Variants in CEP85L observed in about 807,000 individuals in gnomAD.
CEP85L encodes the protein centrosomal protein 85L, also known as centrosomal protein of 85 kDa-like.
A neutral mutation model predicts 100.3 loss-of-function variants in CEP85L; 60 were observed. That is an observed-to-expected ratio of 0.60 (90% CI 0.49 to 0.74). The LOEUF is 0.74. CEP85L is among the 30% of genes least tolerant of loss of function. CEP85L has a pLI of 0.00. For synonymous variants in CEP85L, 319 were observed against 322.7 expected (o/e 0.99, Z 0.12); for missense variants, 973 against 936.2 (o/e 1.04, Z -0.51).
At chr6:118,607,371 A>G (rs902497786) in intron 2 of CEP85L, among the ~76,000 whole-genome samples, 4 of 152,132 alleles carry the variant, frequency 2.6e-5, no homozygotes, top group Admixed American at 6.5e-5. Context: ...TTGCAGCAAC[A>G]CTGAAAAGTT....
intron 10 of CEP85L, among the ~76,000 whole-genome samples, chr6:118,477,378 C>T (rs73524120): frequency 0.011 from 1,700 of 152,156 alleles, 43 homozygotes; most frequent in African/African-American, 0.039. Flanking sequence ...TCTCCAACTT[C>T]GAAAGCTGTG....
chr6:118,621,744 A>C (rs945172635), intron 2 of CEP85L, among the ~76,000 whole-genome samples: 4 of 152,228 alleles, frequency 2.6e-5, no homozygotes, highest in African/African-American at 9.6e-5. Flanking sequence ...GCAAAGAACA[A>C]ATTGAGCCTA....
Position 118,525,629 on chromosome 6 carries a change from G to C in CEP85L, c.1021-1709C>G, listed in dbSNP as rs79234838. On this transcript the variant is annotated intron_variant, in intron 3 of 12. Coordinates refer to ENST00000368491, the MANE Select transcript of CEP85L (RefSeq NM_001042475.3). ...GAAAGCCAAAGACCAAAAGCTAGGA[G>C]AGAGGCATGGGACAAATTCTGCTTC... is the stretch of plus-strand genomic sequence containing the variant. Among the ~76,000 whole-genome samples the C allele has an allele frequency of 1.1e-4, 17 of 152,352 alleles. No homozygotes were observed. The East Asian group carries it at 3.3e-3, about 29-fold the overall frequency.
At chr6:118,608,843 T>C (rs1583160145) in intron 2 of CEP85L, among the ~76,000 whole-genome samples, 1 of 152,248 alleles carries the variant, frequency 6.6e-6, no homozygotes, top group South Asian at 2.1e-4. Flanking sequence ...CTGATTTGTT[T>C]GGCTCATATA....
intron 2 of CEP85L, among the ~76,000 whole-genome samples, chr6:118,614,109 CA>C (rs1160111062): frequency 6.6e-6 from 1 of 152,016 alleles, no homozygotes; most frequent in Non-Finnish European, 1.5e-5. Flanking sequence ...ACCACCATAT[CA>C]ACAAACTAAA....
In CEP85L at chr6:118,600,297, GGGGGT is replaced by G. The variant is rs1562297646; in HGVS notation, c.232+32151_232+32155del. Among the ~76,000 whole-genome samples, 264 of 61,294 alleles carry G rather than the reference GGGGGT, an allele frequency of 4.3e-3. 45 individuals are homozygous for G. Among genetic ancestry groups the G allele is most frequent in the African/African-American group, 0.014 (218 of 15,268 alleles). 40.2% of individuals were successfully genotyped at this position (61,294 alleles called of 152,430 possible). On this transcript the variant is annotated intron_variant, in intron 2 of 12. Coordinates refer to ENST00000368491, the MANE Select transcript of CEP85L (RefSeq NM_001042475.3). Reference sequence around the variant, plus strand: ...GTACTGCCTGTCCCTGAGCCTTCCTGGGGGTGTGTGTGTGTGTGTGTGTGTGTGTG... The same window carrying G: ...GTACTGCCTGTCCCTGAGCCTTCCTGGTGTGTGTGTGTGTGTGTGTGTGTG...
intron 5 of CEP85L, among the ~76,000 whole-genome samples, chr6:118,497,993 AG>A (rs2114644051): frequency 6.6e-6 from 1 of 152,352 alleles, no homozygotes; most frequent in Admixed American, 6.5e-5. Flanking sequence ...AAGGATGAGA[AG>A]GAAGATGGAG....
intron 3 of CEP85L, among the ~76,000 whole-genome samples, chr6:118,525,013 TTGTC>T (rs1171419544): frequency 6.6e-6 from 1 of 152,212 alleles, no homozygotes; most frequent in Non-Finnish European, 1.5e-5. Context: ...GATTGTTTGT[TTGTC>T]TGTTTCTTTT....
In CEP85L at chr6:118,491,769, C is replaced by A; in HGVS notation, c.1354G>T (p.Glu452Ter). Reference protein sequence around the residue: ...GEFEQKLASTEKEVLQLNEFL... With the variant: ...GEFEQKLAST Reference sequence around the variant, plus strand: ...TCATTAAGCTGTAAAACTTCTTTCTCAGTAGATGCAAGCTTTTGCTCAAAT... The same window carrying A: ...TCATTAAGCTGTAAAACTTCTTTCTAAGTAGATGCAAGCTTTTGCTCAAAT... Residue 452 changes from glutamate (E) to a stop codon, truncating the protein, a stop_gained, in exon 6 of 13, where the codon GAG (glutamate) becomes TAG (stop). Transcript: ENST00000368491. LOFTEE classifies it high-confidence loss of function. 6.2e-7 allele frequency: 1 copy of A among 1,613,106 alleles called. No individual in the cohort carries two copies. The highest frequency in any genetic ancestry group is 8.5e-7 in the Non-Finnish European group (1 of 1,179,474).
At position 118,698,765 on chromosome 6, in the gene CEP85L, G is replaced by A. The variant is rs141170085; in HGVS notation, c.-28+11271C>T. On this transcript the variant is annotated intron_variant, in intron 1 of 13. Coordinates refer to the CEP85L transcript ENST00000368488. ...GTGGGGATGTGATAGGAAGCACAGT[G>A]ACCTTCAGCTCTATGATTTCCCCAG... Among the ~76,000 whole-genome samples, 204 of 151,560 alleles carry A rather than the reference G, an allele frequency of 1.3e-3. 1 individual carries two copies. The highest frequency in any genetic ancestry group is 4.9e-3 in the African/African-American group (201 of 40,864).
At chr6:118,699,573 C>G (rs1462075272) in intron 1 of CEP85L, among the ~76,000 whole-genome samples, 2 of 152,126 alleles carry the variant, frequency 1.3e-5, no homozygotes, top group Non-Finnish European at 2.9e-5. Flanking sequence ...TGGTGGGCTG[C>G]TCATCTGTTT....
At chr6:118,585,629 G>A (rs895056854) in intron 2 of CEP85L, among the ~76,000 whole-genome samples, 5 of 152,148 alleles carry the variant, frequency 3.3e-5, no homozygotes, top group South Asian at 2.1e-4. Flanking sequence ...TCCCCTTGAC[G>A]GCCTCCAGCC....
intron 3 of CEP85L, among the ~76,000 whole-genome samples, chr6:118,539,019 T>C (rs1027228367): frequency 2.0e-5 from 3 of 152,144 alleles, no homozygotes; most frequent in Non-Finnish European, 4.4e-5. Context: ...GGCTCTATTT[T>C]GGATCTTGCC....
intron 3 of CEP85L, among the ~76,000 whole-genome samples, chr6:118,552,183 T>C (rs894702053): frequency 6.6e-6 from 1 of 151,994 alleles, no homozygotes; most frequent in Non-Finnish European, 1.5e-5. Flanking sequence ...AGTACTCCCA[T>C]GTTTACTAAA....
intron 10 of CEP85L, among the ~76,000 whole-genome samples, chr6:118,478,272 G>T (rs180971106): frequency 2.2e-4 from 34 of 152,134 alleles, no homozygotes; most frequent in African/African-American, 7.9e-4. Context: ...CACCAAAAAT[G>T]ACCAAATACA....
intron 5 of CEP85L, among the ~76,000 whole-genome samples, chr6:118,494,657 T>C (rs1437750286): frequency 6.6e-6 from 1 of 152,160 alleles, no homozygotes; most frequent in Non-Finnish European, 1.5e-5. Context: ...ACCAAAAGAC[T>C]GAGACCTAAA....
Position 118,678,102 on chromosome 6 carries a change from A to G in CEP85L, c.-27-25294T>C, listed in dbSNP as rs554793324. On this transcript the variant is annotated intron_variant, in intron 1 of 13. Transcript: ENST00000368488. ...ACAGGGAAGAAAATTCTGAAACAGG[A>G]TATTTATTAGGGAGTTCCCAATGGA... Among the ~76,000 whole-genome samples the G allele has an allele frequency of 5.3e-5, 8 of 152,344 alleles. No individual in the cohort carries two copies. The South Asian group carries it at 1.4e-3, about 28-fold the overall frequency.
Position 118,514,479 on chromosome 6 carries a change from C to T in CEP85L, c.1140-3064G>A, listed in dbSNP as rs1191305466. Among the ~76,000 whole-genome samples the T allele has an allele frequency of 9.1e-5, 13 of 143,162 alleles. No individual in the cohort carries two copies. The South Asian group carries it at 2.9e-3, about 31-fold the overall frequency. The allele number at this position is 143,162 out of a possible 152,430, so 93.9% of individuals were successfully genotyped here. A position where few individuals can be genotyped will look rare whatever the true frequency, so the allele number is the denominator to read the frequency against. Reference sequence around the variant, plus strand: ...GGCAGAGGTTGCAGTGAGCTGAGATCGTGCCATTGCACTTCAGCCTGGGAG... The same window carrying T: ...GGCAGAGGTTGCAGTGAGCTGAGATTGTGCCATTGCACTTCAGCCTGGGAG... On this transcript the variant is annotated intron_variant, in intron 4 of 12. Coordinates refer to ENST00000368491, the MANE Select transcript of CEP85L (RefSeq NM_001042475.3).
intron 6 of CEP85L, among the ~76,000 whole-genome samples, chr6:118,488,059 G>A (rs1443110649): frequency 6.6e-6 from 1 of 151,966 alleles, no homozygotes; most frequent in East Asian, 1.9e-4. Flanking sequence ...CCCCTCTCTC[G>A]CCAGACTGAT....
Sources: allele counts gnomAD v4.1 joint callset (sites outside exome capture counted in the v4.1 genomes callset), GRCh38; gene constraint gnomAD v4.1.1; transcripts MANE v1.5; gene names NCBI Gene and HGNC (gene_info 2026-07-23, HGNC 2026-07-21).